SGCD: variants seen among roughly 807,000 people sequenced by gnomAD.
SGCD encodes the protein sarcoglycan delta.
SGCD carries 18 observed loss-of-function variants against 36.6 expected under a neutral mutation model. The ratio of observed to expected loss-of-function variants is 0.49; its 90% CI spans 0.34 to 0.73. The LOEUF (loss-of-function observed/expected upper bound fraction) is 0.73, where lower values mean the gene tolerates loss of function less well. Ranked by LOEUF, SGCD falls within the 30% of genes least tolerant of loss-of-function variation. The probability of loss-of-function intolerance (pLI) is 0.01; values close to 1 mark genes in which losing one functional copy is unlikely to be tolerated. For missense variants in SGCD, 387 were observed against 346.7 expected (o/e 1.12, Z -0.92); for synonymous variants, 133 against 130.6 (o/e 1.02, Z -0.12).
At chr5:156,479,410 T>A (rs1291120548) in intron 3 of SGCD, among the ~76,000 whole-genome samples, 1 of 152,172 alleles carries the variant, frequency 6.6e-6, no homozygotes, top group South Asian at 2.1e-4. Flanking sequence ...TTCAAGATTC[T>A]TATCAAAGAT....
chr5:156,376,133 A>G (rs78405619), intron 3 of SGCD, among the ~76,000 whole-genome samples: 2,135 of 152,320 alleles, frequency 0.014, 23 homozygotes, highest in Non-Finnish European at 0.023. Flanking sequence ...CTCACCTGGA[A>G]ACAGTGGCTG....
chr5:156,244,504 G>A (rs1478035968), intron 3 of SGCD, among the ~76,000 whole-genome samples: 7 of 152,168 alleles, frequency 4.6e-5, no homozygotes, highest in South Asian at 2.1e-4. Flanking sequence ...TTAAAGTATA[G>A]CGTGGTAATG....
At chr5:155,999,049 A>T (rs1376600972) in intron 1 of SGCD, among the ~76,000 whole-genome samples, 1 of 151,960 alleles carries the variant, frequency 6.6e-6, no homozygotes, top group Non-Finnish European at 1.5e-5. Flanking sequence ...TGCAACTAAC[A>T]CCCCCACTCC....
At chr5:155,931,023 T>G (rs774350988) in intron 1 of SGCD, among the ~76,000 whole-genome samples, 4 of 152,168 alleles carry the variant, frequency 2.6e-5, no homozygotes, top group Non-Finnish European at 1.5e-5. Context: ...ACTCTGATCT[T>G]CCATAATGGT....
intron 4 of SGCD, among the ~76,000 whole-genome samples, chr5:156,554,259 A>G (rs1021689497): frequency 2.0e-5 from 3 of 151,882 alleles, no homozygotes; most frequent in African/African-American, 7.3e-5. Flanking sequence ...GGAGGCTGAG[A>G]CACAAGAATT....
At chr5:156,678,687 G>A (rs951401923) in intron 7 of SGCD, among the ~76,000 whole-genome samples, 8 of 152,310 alleles carry the variant, frequency 5.3e-5, no homozygotes, top group African/African-American at 1.4e-4. Context: ...TAACAAAGAG[G>A]AAATTATAGT....
At chr5:156,041,016 A>G (rs1759619429) in intron 1 of SGCD, among the ~76,000 whole-genome samples, 2 of 152,198 alleles carry the variant, frequency 1.3e-5, no homozygotes, top group South Asian at 4.1e-4. Flanking sequence ...TGAGGCATAA[A>G]CTGTGATGTT....
chr5:156,147,245 A>G (rs1290758396), intron 3 of SGCD, among the ~76,000 whole-genome samples: 2 of 152,234 alleles, frequency 1.3e-5, no homozygotes, highest in Non-Finnish European at 2.9e-5. Flanking sequence ...AAATTCTCTC[A>G]TGAACTAGTA....
intron 4 of SGCD, among the ~76,000 whole-genome samples, chr5:156,583,778 C>A (rs543553963): frequency 2.6e-5 from 4 of 152,138 alleles, no homozygotes; most frequent in Non-Finnish European, 1.5e-5. Context: ...AGACAGCCTA[C>A]AAGTCTGAGT....
intron 3 of SGCD, among the ~76,000 whole-genome samples, chr5:156,144,346 T>C (rs984103564): frequency 2.3e-4 from 35 of 152,256 alleles, no homozygotes; most frequent in Non-Finnish European, 4.3e-4. Context: ...TAGTTTACAG[T>C]CCCACCAACA....
chr5:155,863,103 C>A, the SGCD span, among the ~76,000 whole-genome samples: 2 of 152,082 alleles, frequency 1.3e-5, no homozygotes, highest in African/African-American at 4.8e-5. Context: ...GATACTGTGG[C>A]TTCACTGAAG....
intron 3 of SGCD, among the ~76,000 whole-genome samples, chr5:156,251,542 T>G (rs1047297809): frequency 6.0e-5 from 9 of 151,136 alleles, no homozygotes; most frequent in South Asian, 2.1e-4. Context: ...TTGAGATGGA[T>G]TCTCGCTGTG....
intron 3 of SGCD, among the ~76,000 whole-genome samples, chr5:156,346,343 C>G (rs11748820): frequency 0.41 from 61,747 of 151,670 alleles, 13,334 homozygotes; most frequent in East Asian, 0.79. Context: ...TTTTCACAGA[C>G]GCTGTAGGAC....
chr5:156,670,911 G>A (rs2113656541), intron 7 of SGCD, among the ~76,000 whole-genome samples: 1 of 152,164 alleles, frequency 6.6e-6, no homozygotes, highest in Non-Finnish European at 1.5e-5. Context: ...TACAATCTTA[G>A]CCATTGGTCG....
chr5:156,414,290 C>T (rs1272313688), intron 3 of SGCD, among the ~76,000 whole-genome samples: 1 of 152,154 alleles, frequency 6.6e-6, no homozygotes, highest in Non-Finnish European at 1.5e-5. Context: ...TTTTGATTTC[C>T]TGTTTCTTGA....
intron 4 of SGCD, among the ~76,000 whole-genome samples, chr5:156,574,174 C>T (rs1436681069): frequency 9.2e-5 from 14 of 152,254 alleles, no homozygotes; most frequent in Non-Finnish European, 5.9e-5. Flanking sequence ...TAAACACCTG[C>T]TTAGCTGGTG....
At chr5:156,085,185 G>C (rs1339786055) in intron 1 of SGCD, among the ~76,000 whole-genome samples, 3 of 151,700 alleles carry the variant, frequency 2.0e-5, no homozygotes, top group Non-Finnish European at 4.4e-5. Context: ...TGTTGTTGTT[G>C]TTCTGTCTCT....
intron 4 of SGCD, among the ~76,000 whole-genome samples, chr5:156,571,974 G>C (rs952867319): frequency 6.6e-6 from 1 of 152,068 alleles, no homozygotes; most frequent in Non-Finnish European, 1.5e-5. Flanking sequence ...TGCCTACTCT[G>C]GATATTTCAG....
chr5:155,942,143 T>C (rs1757337535), intron 1 of SGCD, among the ~76,000 whole-genome samples: 1 of 152,172 alleles, frequency 6.6e-6, no homozygotes, highest in Non-Finnish European at 1.5e-5. Flanking sequence ...ATTACACATA[T>C]ACATGAACAG....
Sources: allele counts gnomAD v4.1 joint callset (sites outside exome capture counted in the v4.1 genomes callset), GRCh38; gene constraint gnomAD v4.1.1; transcripts MANE v1.5; gene names NCBI Gene and HGNC (gene_info 2026-07-23, HGNC 2026-07-21).